SHANK2: variants seen among roughly 807,000 people sequenced by gnomAD.
SHANK2 encodes the protein SH3 and multiple ankyrin repeat domains 2.
Under a neutral mutation model 133.7 loss-of-function variants are expected in SHANK2, and 43 were observed. The observed-to-expected ratio is 0.32, with a 90% confidence interval of 0.25 to 0.41. SHANK2 has a LOEUF of 0.41. Ranked by LOEUF, SHANK2 falls within the 10% of genes least tolerant of loss-of-function variation. The pLI is 1.00. For synonymous variants in SHANK2, 1,017 were observed against 952.8 expected (o/e 1.07, Z -1.24); for missense variants, 1,994 against 2,235.8 (o/e 0.89, Z 2.18).
At chr11:71,229,765 GAAA>G (rs55730780) in intron 1 of SHANK2, among the ~76,000 whole-genome samples, 10,968 of 116,706 alleles carry the variant, frequency 0.094, 348 homozygotes, top group Middle Eastern at 0.17. Context: ...TCTCAAAAAA[GAAA>G]AAAAAAAAAA....
intron 9 of SHANK2, among the ~76,000 whole-genome samples, chr11:71,069,469 T>C (rs1845069327): frequency 1.3e-5 from 2 of 152,188 alleles, no homozygotes; most frequent in Non-Finnish European, 2.9e-5. Context: ...GCCAGCCTCA[T>C]GACGACCATC....
intron 2 of SHANK2, among the ~76,000 whole-genome samples, chr11:71,153,756 C>T (rs539272177): frequency 1.0e-3 from 156 of 152,290 alleles, no homozygotes; most frequent in African/African-American, 3.7e-3. Flanking sequence ...CACCTGAGGT[C>T]ACTCAGGAGT....
intron 2 of SHANK2, among the ~76,000 whole-genome samples, chr11:71,222,985 C>T (rs1472051752): frequency 2.6e-5 from 4 of 152,246 alleles, no homozygotes; most frequent in African/African-American, 7.2e-5. Flanking sequence ...TCCACGGAGC[C>T]GTGTCACCAT....
rs1472079374 is a variant in SHANK2, at chr11:70,783,107, G to C, written c.1777+15336C>G. Among the ~76,000 whole-genome samples, 10 of 152,152 alleles carry C rather than the reference G, an allele frequency of 6.6e-5. 1 individual carries two copies. The highest frequency in any genetic ancestry group is 5.9e-4 in the Admixed American group (9 of 15,278). On this transcript the variant is annotated intron_variant, in intron 14 of 25. Coordinates refer to ENST00000601538, the MANE Select transcript of SHANK2 (RefSeq NM_012309.5). ...GGACACAGAGAGACAGAGGCTGTCT[G>C]CAAGCCAGGAAGAGGGCCCTTCCCA...
chr11:70,909,855 C>T (rs555120280), intron 10 of SHANK2, among the ~76,000 whole-genome samples: 4 of 152,306 alleles, frequency 2.6e-5, no homozygotes, highest in South Asian at 4.1e-4. Context: ...CAACGGGGTA[C>T]GCTTGCGTAT....
At chr11:71,072,134 A>C (rs1480059693) in intron 9 of SHANK2, among the ~76,000 whole-genome samples, 1 of 152,184 alleles carries the variant, frequency 6.6e-6, no homozygotes, top group African/African-American at 2.4e-5. Context: ...AGCACCAAGG[A>C]AACAGAGAAA....
chr11:70,884,995 A>G (rs1244280143), intron 11 of SHANK2, among the ~76,000 whole-genome samples: 1 of 152,224 alleles, frequency 6.6e-6, no homozygotes, highest in Non-Finnish European at 1.5e-5. Flanking sequence ...TGCTGGGATT[A>G]CAGGCGTGAG....
At chr11:70,866,719 G>A (rs1040842176) in intron 11 of SHANK2, among the ~76,000 whole-genome samples, 1 of 152,110 alleles carries the variant, frequency 6.6e-6, no homozygotes, top group African/African-American at 2.4e-5. Flanking sequence ...CAACAAATAG[G>A]AGATTTTTGT....
intron 17 of SHANK2, among the ~76,000 whole-genome samples, chr11:70,628,089 A>G (rs1270418447): frequency 6.6e-6 from 1 of 152,166 alleles, no homozygotes; most frequent in Non-Finnish European, 1.5e-5. Context: ...CCTCCTGAGT[A>G]GCTGGGATTA....
chr11:70,502,666 T>C, intron 18 of SHANK2, 130 bp downstream of exon 18: 1 of 1,103,836 alleles, frequency 9.1e-7, no homozygotes. Context: ...GCCTCACCCC[T>C]GTGCCTGGGC....
rs182696942 is a variant in SHANK2 at position 70,955,087 on chromosome 11, C to G, written c.1108-58520G>C. ...CGTTTCCCTCCCATTTCATCCTTGT[C>G]CTTCCCTGCCCATATTAAATTTGGG... On this transcript the variant is annotated intron_variant, in intron 10 of 25. Coordinates refer to ENST00000601538, the MANE Select transcript of SHANK2 (RefSeq NM_012309.5). 3.9e-5 allele frequency among the ~76,000 whole-genome samples: 6 copies of G among 152,358 alleles called. No individual in the cohort carries two copies. The East Asian group carries it at 1.2e-3, about 29-fold the overall frequency.
intron 11 of SHANK2, among the ~76,000 whole-genome samples, chr11:70,883,034 G>C (rs1434856277): frequency 1.3e-5 from 2 of 152,174 alleles, no homozygotes; most frequent in Non-Finnish European, 2.9e-5. Context: ...AGCCTTAGCA[G>C]GAGTGAAGGG....
intron 17 of SHANK2, among the ~76,000 whole-genome samples, chr11:70,620,379 A>G (rs1554997255): frequency 2.0e-5 from 3 of 152,182 alleles, no homozygotes; most frequent in Non-Finnish European, 4.4e-5. Flanking sequence ...GTTGGGAGAA[A>G]TGGAGATTTT....
intron 2 of SHANK2, among the ~76,000 whole-genome samples, chr11:71,220,690 T>G (rs1307725659): frequency 1.3e-5 from 2 of 151,854 alleles, no homozygotes; most frequent in African/African-American, 4.8e-5. Flanking sequence ...AAATCTCACA[T>G]GACCCCACTC....
intron 2 of SHANK2, among the ~76,000 whole-genome samples, chr11:71,171,386 A>T (rs1390726739): frequency 6.6e-6 from 1 of 152,166 alleles, no homozygotes; most frequent in Non-Finnish European, 1.5e-5. Flanking sequence ...AGAGCACCCG[A>T]GGGGAAGCGG....
In SHANK2 at chr11:70,899,311, C is replaced by T. The variant is rs150160882; in HGVS notation, c.1108-2744G>A. Reference sequence around the variant, plus strand: ...CGGTTTTATAAGTGTCTGGCATTTCCCCTGCTGACACTCATTCTCTCTCCT... The same window carrying T: ...CGGTTTTATAAGTGTCTGGCATTTCTCCTGCTGACACTCATTCTCTCTCCT... On this transcript the variant is annotated intron_variant, in intron 10 of 25. Coordinates refer to ENST00000601538, the MANE Select transcript of SHANK2 (RefSeq NM_012309.5). 6.6e-3 allele frequency among the ~76,000 whole-genome samples: 999 copies of T among 152,218 alleles called. 4 individuals carry two copies. Among genetic ancestry groups the T allele is most frequent in the South Asian group, 0.026 (126 of 4,824 alleles).
chr11:70,693,242 T>C (rs1035991983), intron 15 of SHANK2, among the ~76,000 whole-genome samples: 1 of 152,180 alleles, frequency 6.6e-6, no homozygotes, highest in Non-Finnish European at 1.5e-5. Context: ...TCAGATGATG[T>C]CTCTTCTGCC....
intron 3 of SHANK2, among the ~76,000 whole-genome samples, chr11:71,141,656 C>T (rs144196900): frequency 5.8e-4 from 89 of 152,158 alleles, no homozygotes; most frequent in African/African-American, 2.1e-3. Flanking sequence ...TTAGCAGCGT[C>T]GTTATTACCA....
At chr11:71,221,381 C>T (rs782615219) in intron 2 of SHANK2, among the ~76,000 whole-genome samples, 4 of 152,130 alleles carry the variant, frequency 2.6e-5, no homozygotes, top group South Asian at 2.1e-4. Context: ...CAGCAGGAGA[C>T]GGTGGCCGGA....
Sources: gnomAD v4.1 joint callset for allele counts (sites outside exome capture counted in the v4.1 genomes callset) on GRCh38, gnomAD v4.1.1 for gene constraint, MANE v1.5 for transcripts, NCBI Gene and HGNC (gene_info 2026-07-23, HGNC 2026-07-21) for gene names.